Variants in CCDC60 observed in about 807,000 individuals in gnomAD.
CCDC60 encodes the protein coiled-coil domain-containing protein 60.
In CCDC60, 54 loss-of-function variants were observed where a neutral mutation model predicts 63.5. The ratio of observed to expected loss-of-function variants is 0.85; its 90% confidence interval spans 0.68 to 1.07. The LOEUF (loss-of-function observed/expected upper bound fraction) is 1.07, where lower values mean the gene tolerates loss of function less well. Among genes scored for constraint, CCDC60 ranks in the 50% least tolerant of loss-of-function variants. CCDC60 has a pLI of 0.00. For synonymous variants in CCDC60, 206 were observed against 238.8 expected, an observed-to-expected ratio of 0.86 and a Z score of 1.27; for missense variants, 651 against 684.3, an observed-to-expected ratio of 0.95 and a Z score of 0.54.
chr12:119,346,850 A>G (rs1338135306), intron 1 of CCDC60, among the ~76,000 whole-genome samples: 1 of 120,768 alleles, frequency 8.3e-6, no homozygotes, highest in African/African-American at 3.3e-5. Flanking sequence ...TTTGAGACAG[A>G]GTCTTGCTCT....
chr12:119,507,610 A>ATTTTT (rs1352840585), intron 7 of CCDC60, among the ~76,000 whole-genome samples: 7 of 34,728 alleles, frequency 2.0e-4, no homozygotes, highest in Non-Finnish European at 2.1e-4. Flanking sequence ...ATATATATAT[A>ATTTTT]TATATTTTTT....
rs1481464552 is a variant in CCDC60 at position 119,540,807 on chromosome 12, C to A, written c.*92C>A. 5.9e-6 allele frequency: 5 copies of A among 852,584 alleles called. No individual in the cohort carries two copies. The highest frequency in any genetic ancestry group is 9.6e-6 in the Non-Finnish European group (5 of 523,330). 52.8% of individuals were successfully genotyped at this position (852,584 alleles called of 1,614,324 possible). On this transcript the variant is annotated 3_prime_UTR_variant, in exon 14 of 14. Transcript: ENST00000327554. Reference sequence around the variant, plus strand: ...GCCTGTGTTCCTGCCTCCTGACTACCCTCATGGATGCTCTTTATGGATGAC... The same window carrying A: ...GCCTGTGTTCCTGCCTCCTGACTACACTCATGGATGCTCTTTATGGATGAC...
chr12:119,343,890 T>C (rs1955559031), intron 1 of CCDC60, among the ~76,000 whole-genome samples: 1 of 152,028 alleles, frequency 6.6e-6, no homozygotes, highest in African/African-American at 2.4e-5. Context: ...TTTCTTGGTA[T>C]CCTGTCTGAA....
chr12:119,527,843 A>AT (rs544729532), intron 11 of CCDC60, among the ~76,000 whole-genome samples: 86 of 149,140 alleles, frequency 5.8e-4, no homozygotes, highest in South Asian at 2.5e-3. Flanking sequence ...CGCCCGGCTA[A>AT]TTTTTTTTTG....
At chr12:119,488,535 C>T (rs1951510603) in intron 4 of CCDC60, among the ~76,000 whole-genome samples, 1 of 152,172 alleles carries the variant, frequency 6.6e-6, no homozygotes, top group South Asian at 2.1e-4. Context: ...TTCCTAAAGT[C>T]CTGTGAGCCT....
At chr12:119,507,198 C>G (rs1159043970) in intron 7 of CCDC60, among the ~76,000 whole-genome samples, 1 of 151,886 alleles carries the variant, frequency 6.6e-6, no homozygotes, top group African/African-American at 2.4e-5. Context: ...GTGTGGGGCC[C>G]TGATGTTCAA....
chr12:119,421,113 G>C (rs1237705181), intron 1 of CCDC60, among the ~76,000 whole-genome samples: 2 of 152,220 alleles, frequency 1.3e-5, no homozygotes, highest in Non-Finnish European at 2.9e-5. Context: ...ACATTTAACA[G>C]GAATTCACTT....
At chr12:119,511,945 G>A (rs552268213) in intron 7 of CCDC60, among the ~76,000 whole-genome samples, 1 of 152,062 alleles carries the variant, frequency 6.6e-6, no homozygotes, top group African/African-American at 2.4e-5. Flanking sequence ...AGGGAAGGTT[G>A]GCATGACAAG....
intron 5 of CCDC60, 78 bp from the exon 6 acceptor site, chr12:119,500,000 T>G: frequency 4.0e-6 from 4 of 1,001,240 alleles, no homozygotes; most frequent in Non-Finnish European, 6.4e-6. Flanking sequence ...CCTCCTCTAT[T>G]TATTGCATTT....
chr12:119,366,870 T>C (rs149261015), intron 1 of CCDC60, among the ~76,000 whole-genome samples: 1,598 of 152,284 alleles, frequency 0.01, 24 homozygotes, highest in African/African-American at 0.037. Flanking sequence ...TCTCGCTCTG[T>C]TGCCCAGGCT....
At chr12:119,512,244 G>T (rs1952232164) in intron 7 of CCDC60, among the ~76,000 whole-genome samples, 1 of 152,184 alleles carries the variant, frequency 6.6e-6, no homozygotes, top group African/African-American at 2.4e-5. Context: ...TGAGGTGTCT[G>T]CACTGGTATT....
intron 5 of CCDC60, among the ~76,000 whole-genome samples, chr12:119,490,692 G>A (rs1178829): frequency 0.52 from 78,980 of 151,700 alleles, 21,586 homozygotes; most frequent in East Asian, 0.84. Flanking sequence ...AGCCTCCCAG[G>A]TAGCTAGTAC....
intron 2 of CCDC60, among the ~76,000 whole-genome samples, chr12:119,435,555 G>T (rs1950309434): frequency 6.6e-6 from 1 of 152,226 alleles, no homozygotes; most frequent in African/African-American, 2.4e-5. Context: ...GTCTAGCTCA[G>T]TGCTTGGCAC....
chr12:119,402,988 A>C (rs972800921), intron 1 of CCDC60, among the ~76,000 whole-genome samples: 2 of 152,322 alleles, frequency 1.3e-5, no homozygotes, highest in East Asian at 3.9e-4. Context: ...AAATAAACCT[A>C]GCTTTAGGAA....
At chr12:119,336,873 T>C (rs1025342645) in intron 1 of CCDC60, among the ~76,000 whole-genome samples, 3 of 152,238 alleles carry the variant, frequency 2.0e-5, no homozygotes, top group African/African-American at 7.2e-5. Flanking sequence ...TTTTAAATGA[T>C]CATAACTGGA....
Position 119,464,260 on chromosome 12 carries a change from T to A in CCDC60, c.171-7734T>A, listed in dbSNP as rs1950910277. Reference sequence around the variant, plus strand: ...TCCAGTAGGTTGCAGTTTCTGCACATCATCACGTAATATTTTGCCAGAGTT... The same window carrying A: ...TCCAGTAGGTTGCAGTTTCTGCACAACATCACGTAATATTTTGCCAGAGTT... On this transcript the variant is annotated intron_variant, in intron 2 of 13. Transcript: ENST00000327554. 2.9e-5 allele frequency among the ~76,000 whole-genome samples: 4 copies of A among 139,400 alleles called. 1 individual carries two copies. The highest frequency in any genetic ancestry group is 2.2e-4 in the Admixed American group (3 of 13,690). 91.5% of individuals were successfully genotyped at this position (139,400 alleles called of 152,430 possible).
intron 2 of CCDC60, among the ~76,000 whole-genome samples, chr12:119,440,852 T>G (rs1950429843): frequency 6.6e-6 from 1 of 152,172 alleles, no homozygotes; most frequent in Admixed American, 6.5e-5. Flanking sequence ...ATTTCTCTGA[T>G]CTCCAAAGTG....
intron 1 of CCDC60, among the ~76,000 whole-genome samples, chr12:119,362,261 A>G: frequency 6.6e-6 from 1 of 152,212 alleles, no homozygotes; most frequent in South Asian, 2.1e-4. Context: ...TGTAAATTAC[A>G]TGCCATAAAA....
rs1956787665 is a variant in CCDC60, at chr12:119,420,202, C to T, written c.91-8481C>T. Among the ~76,000 whole-genome samples the T allele has an allele frequency of 6.6e-6, 1 of 152,030 alleles. No homozygotes were observed. On this transcript the variant is annotated intron_variant, in intron 1 of 13. Coordinates refer to ENST00000327554, the MANE Select transcript of CCDC60 (RefSeq NM_178499.5). This position sits in a 1 kb window ranked among gnomAD's most constrained non-coding sequence, Gnocchi z 4.1. ...GTTAAGTAATTCTATAGTATATTTCCTATTTCAGTTTGAAGGATCTGTGTG... is the reference window on the plus strand; with the variant it reads ...GTTAAGTAATTCTATAGTATATTTCTTATTTCAGTTTGAAGGATCTGTGTG...
Sources: gnomAD v4.1 joint callset for allele counts (sites outside exome capture counted in the v4.1 genomes callset) on GRCh38, gnomAD v4.1.1 for gene constraint, Gnocchi (gnomAD v3.1) non-coding constraint, MANE v1.5 for transcripts, NCBI Gene and HGNC (gene_info 2026-07-23, HGNC 2026-07-21) for gene names.